The following SYT13 variants were observed in gnomAD, a reference collection of about 807,000 sequenced individuals.
SYT13 encodes synaptotagmin 13.
In SYT13, 21 loss-of-function variants were observed where a neutral mutation model predicts 38.6. The observed-to-expected ratio is 0.54, with a 90% CI of 0.39 to 0.78. SYT13 has a LOEUF of 0.78. SYT13 is among the 30% of genes least tolerant of loss of function. SYT13 has a pLI of 0.00. For synonymous variants in SYT13, 241 were observed against 237.6 expected, an observed-to-expected ratio of 1.01 and a Z score of -0.13; for missense variants, 495 against 548.7, an observed-to-expected ratio of 0.90 and a Z score of 0.98.
At chr11:45,285,186 T>C (rs1855119089) in intron 1 of SYT13, among the ~76,000 whole-genome samples, 2 of 152,208 alleles carry the variant, frequency 1.3e-5, no homozygotes, top group South Asian at 2.1e-4. Flanking sequence ...ACTTTGGAAA[T>C]GCATCCTGGA....
chr11:45,282,716 G>C (rs1855088465), intron 1 of SYT13, among the ~76,000 whole-genome samples: 1 of 152,212 alleles, frequency 6.6e-6, no homozygotes, highest in African/African-American at 2.4e-5. Context: ...GGTTTTTGTT[G>C]CTATTCCTAA....
At chr11:45,273,796 A>G (rs2863181) in intron 1 of SYT13, among the ~76,000 whole-genome samples, 19,571 of 152,262 alleles carry the variant, frequency 0.13, 1,616 homozygotes, top group East Asian at 0.25. Context: ...GACACGTTTC[A>G]TTTATCACGT....
At chr11:45,284,670 G>A (rs1450939804) in intron 1 of SYT13, among the ~76,000 whole-genome samples, 2 of 152,158 alleles carry the variant, frequency 1.3e-5, no homozygotes, top group Non-Finnish European at 2.9e-5. Context: ...GCGGTGCCTG[G>A]AGAGACATCA....
At chr11:45,272,050 G>A (rs7114149) in intron 1 of SYT13, among the ~76,000 whole-genome samples, 129,233 of 152,140 alleles carry the variant, frequency 0.85, 55,755 homozygotes, top group Middle Eastern at 0.91. Context: ...TTGCAGGGAC[G>A]TGGATGAAGC....
Position 45,244,207 on chromosome 11 carries a change from GCTCCA to G in SYT13, c.1121_1125del (p.Val374AlafsTer28), listed in dbSNP as rs1590504655. The G allele has an allele frequency of 1.2e-6, 2 of 1,614,022 alleles. No individual in the cohort carries two copies. The highest frequency in any genetic ancestry group is 1.7e-6 in the Non-Finnish European group (2 of 1,180,040). On this transcript the variant is annotated frameshift_variant, in exon 6 of 6. Transcript: ENST00000020926. LOFTEE classifies it high-confidence loss of function. ...GAATCGTCCTGGCCCAGCACTTCCA[GCTCCA>G]CACTGGAGGCCTGCAGCAGGTCGTC...
At chr11:45,281,709 G>A (rs1478466667) in intron 1 of SYT13, among the ~76,000 whole-genome samples, 1 of 151,712 alleles carries the variant, frequency 6.6e-6, no homozygotes, top group Non-Finnish European at 1.5e-5. Context: ...CCTGCTGAGG[G>A]CCAAGCAATT....
chr11:45,253,050 T>C (rs1437610222), intron 3 of SYT13, among the ~76,000 whole-genome samples: 1 of 152,230 alleles, frequency 6.6e-6, no homozygotes, highest in Admixed American at 6.5e-5. Flanking sequence ...TTAGTGGTGC[T>C]GCTGACATGT....
chr11:45,249,670 G>T (rs1388546359), intron 4 of SYT13, among the ~76,000 whole-genome samples: 1 of 152,108 alleles, frequency 6.6e-6, no homozygotes, highest in Non-Finnish European at 1.5e-5. Context: ...AACACCACAT[G>T]TTCTCACTCT....
chr11:45,282,677 C>T (rs1336782930), intron 1 of SYT13, among the ~76,000 whole-genome samples: 1 of 152,194 alleles, frequency 6.6e-6, no homozygotes, highest in Non-Finnish European at 1.5e-5. Flanking sequence ...CCCTTGGGGA[C>T]AAAGTCACAG....
intron 1 of SYT13, among the ~76,000 whole-genome samples, chr11:45,271,349 G>T (rs1590526761): frequency 6.6e-6 from 1 of 152,216 alleles, no homozygotes; most frequent in South Asian, 2.1e-4. Flanking sequence ...ACTCTTCATT[G>T]TTGATGTGAT....
rs748773155 is a variant in SYT13, at chr11:45,252,383, G to A, written c.846+38C>T. The A allele has an allele frequency of 3.0e-5, 45 of 1,520,582 alleles. No homozygotes were observed. The highest frequency in any genetic ancestry group is 5.8e-5 in the Admixed American group (3 of 51,756). The allele number at this position is 1,520,582 out of a possible 1,614,324, so 94.2% of individuals were successfully genotyped here. A position where few individuals can be genotyped will look rare whatever the true frequency, so the allele number is the denominator to read the frequency against. On this transcript the variant is annotated intron_variant, in intron 4 of 5. Transcript: ENST00000020926. This position sits in a 1 kb window ranked among gnomAD's most constrained non-coding sequence, Gnocchi z 4.3. ...CAGGTTCTGCCATCCCATGCTGCAC[G>A]GGCAGGTTTTACCTTTCTAACCCAG... is the stretch of plus-strand genomic sequence containing the variant.
chr11:45,264,482 A>G (rs925118822), intron 1 of SYT13, among the ~76,000 whole-genome samples: 2 of 152,192 alleles, frequency 1.3e-5, no homozygotes, highest in African/African-American at 2.4e-5. Flanking sequence ...CCCATGTGCA[A>G]AGACCCGAGG....
intron 1 of SYT13, among the ~76,000 whole-genome samples, chr11:45,259,461 C>G (rs1253311837): frequency 1.3e-5 from 2 of 152,204 alleles, no homozygotes; most frequent in African/African-American, 2.4e-5. Flanking sequence ...TCTTGACACT[C>G]TGGCTCTGCC....
chr11:45,281,627 A>T (rs1359428064), intron 1 of SYT13, among the ~76,000 whole-genome samples: 1 of 149,988 alleles, frequency 6.7e-6, no homozygotes, highest in African/African-American at 2.5e-5. Context: ...AGATCATGCC[A>T]CTGTACTCCA....
At chr11:45,247,604 C>T (rs964690107) in intron 4 of SYT13, among the ~76,000 whole-genome samples, 1 of 152,218 alleles carries the variant, frequency 6.6e-6, no homozygotes, top group Admixed American at 6.5e-5. Flanking sequence ...CACCGTGACT[C>T]CCTAAGCTTC....
In SYT13 at chr11:45,243,516, T is replaced by C. The variant is rs1231294381; in HGVS notation, c.*536A>G. The C allele has an allele frequency of 6.6e-6, 1 of 152,592 alleles. No homozygotes were observed. Among genetic ancestry groups the C allele is most frequent in the East Asian group, 1.9e-4 (1 of 5,194 alleles). 9.5% of individuals were successfully genotyped at this position (152,592 alleles called of 1,614,324 possible). A position where few individuals can be genotyped will look rare whatever the true frequency, so the allele number is the denominator to read the frequency against. On this transcript the variant is annotated 3_prime_UTR_variant, in exon 6 of 6. Transcript: ENST00000020926. ...TTCGACCAGGAATACCGACTAGGAA[T>C]GTCTCCAGGCGAGCCCAGGAATCTG...
chr11:45,254,040 G>C, intron 3 of SYT13: 1 of 397,686 alleles, frequency 2.5e-6, no homozygotes, highest in Non-Finnish European at 4.4e-6. Flanking sequence ...TCTGGTCCTT[G>C]AATCACCATT....
chr11:45,274,711 T>G (rs1055828158), intron 1 of SYT13, among the ~76,000 whole-genome samples: 1 of 152,352 alleles, frequency 6.6e-6, no homozygotes, highest in Non-Finnish European at 1.5e-5. Context: ...CAACCTTATC[T>G]GCATCTTCAA....
intron 1 of SYT13, among the ~76,000 whole-genome samples, chr11:45,261,101 T>C (rs1339710760): frequency 4.6e-5 from 7 of 152,174 alleles, no homozygotes; most frequent in Non-Finnish European, 8.8e-5. Context: ...AAATGGCCAA[T>C]AAGCACATGA....
Sources: gnomAD v4.1 joint callset for allele counts (sites outside exome capture counted in the v4.1 genomes callset) on GRCh38, gnomAD v4.1.1 for gene constraint, Gnocchi (gnomAD v3.1) non-coding constraint, MANE v1.5 for transcripts, NCBI Gene and HGNC (gene_info 2026-07-23, HGNC 2026-07-21) for gene names.